The following PCDH9 variants were observed in gnomAD, a reference collection of about 807,000 sequenced individuals.
PCDH9 encodes protocadherin 9.
In PCDH9, 24 loss-of-function variants were observed where a neutral mutation model predicts 70.6. The ratio of observed to expected loss-of-function variants is 0.34; its 90% confidence interval spans 0.25 to 0.48. The LOEUF (loss-of-function observed/expected upper bound fraction) is 0.48. PCDH9 is among the 20% of genes least tolerant of loss of function. The probability of loss-of-function intolerance (pLI) is 0.99; values close to 1 mark genes in which losing one functional copy is unlikely to be tolerated. For missense variants in PCDH9, 1,281 were observed against 1,503.6 expected (o/e 0.85, Z 2.45); for synonymous variants, 562 against 558.5 (o/e 1.01, Z -0.09).
intron 3 of PCDH9, among the ~76,000 whole-genome samples, chr13:66,857,957 C>T (rs989569427): frequency 5.9e-5 from 9 of 152,152 alleles, no homozygotes; most frequent in Non-Finnish European, 1.2e-4. Context: ...AGCTGCTTAT[C>T]TCCTACCTTG....
At chr13:66,943,907 A>C (rs187135342) in intron 2 of PCDH9, among the ~76,000 whole-genome samples, 1 of 152,194 alleles carries the variant, frequency 6.6e-6, no homozygotes, top group Non-Finnish European at 1.5e-5. Flanking sequence ...TGACTTTCTG[A>C]ATCCTTGCCT....
At chr13:66,678,975 T>C (rs2078281318) in intron 3 of PCDH9, among the ~76,000 whole-genome samples, 1 of 151,406 alleles carries the variant, frequency 6.6e-6, no homozygotes, top group Admixed American at 6.6e-5. Context: ...TATATATATA[T>C]GTAAAATAAA....
At chr13:66,322,545 T>C (rs879089187) in intron 4 of PCDH9, among the ~76,000 whole-genome samples, 11 of 152,062 alleles carry the variant, frequency 7.2e-5, no homozygotes, top group Admixed American at 7.2e-4. Flanking sequence ...TCTCAAACCA[T>C]CTGCTTCCTT....
At chr13:67,023,983 A>G (rs1361635684) in intron 2 of PCDH9, among the ~76,000 whole-genome samples, 1 of 152,016 alleles carries the variant, frequency 6.6e-6, no homozygotes, top group African/African-American at 2.4e-5. Flanking sequence ...AGAAAAAAAA[A>G]AGAAACAAGG....
intron 3 of PCDH9, among the ~76,000 whole-genome samples, chr13:66,866,414 A>G (rs541965331): frequency 1.3e-4 from 20 of 151,932 alleles, no homozygotes; most frequent in South Asian, 2.1e-4. Context: ...CCCGGGAGGC[A>G]GAGCTTGCAG....
intron 4 of PCDH9, among the ~76,000 whole-genome samples, chr13:66,547,442 A>T (rs974560126): frequency 6.6e-6 from 1 of 152,200 alleles, no homozygotes; most frequent in East Asian, 1.9e-4. Flanking sequence ...TTGACTTTCT[A>T]GTAACCATTG....
At chr13:66,552,928 C>A (rs1961554279) in intron 4 of PCDH9, among the ~76,000 whole-genome samples, 1 of 152,094 alleles carries the variant, frequency 6.6e-6, no homozygotes, top group Non-Finnish European at 1.5e-5. Flanking sequence ...ACACGTCCTT[C>A]TTCACATGGT....
chr13:67,211,175 A>G (rs1478393153), intron 2 of PCDH9: 1 of 152,008 alleles, frequency 6.6e-6, no homozygotes, highest in Non-Finnish European at 1.5e-5. Context: ...AACCAATAAT[A>G]TTTAATTAAC....
intron 2 of PCDH9, among the ~76,000 whole-genome samples, chr13:67,037,226 T>G (rs1266969230): frequency 6.6e-6 from 1 of 152,178 alleles, no homozygotes; most frequent in African/African-American, 2.4e-5. Flanking sequence ...CCTTTTCAAT[T>G]CTGGGCTAAG....
At chr13:66,888,128 A>T (rs1419505586) in intron 3 of PCDH9, among the ~76,000 whole-genome samples, 1 of 152,152 alleles carries the variant, frequency 6.6e-6, no homozygotes, top group African/African-American at 2.4e-5. Context: ...GTGAAATGGG[A>T]AATTGGCTAA....
At chr13:66,810,451 T>C (rs1462175736) in intron 3 of PCDH9, among the ~76,000 whole-genome samples, 1 of 152,006 alleles carries the variant, frequency 6.6e-6, no homozygotes, top group Non-Finnish European at 1.5e-5. Flanking sequence ...ATTCCCAGTT[T>C]CCTCATCTAT....
chr13:66,820,167 G>T lies in PCDH9; in HGVS notation c.3138+83337C>A, dbSNP rs138105528. Among the ~76,000 whole-genome samples the T allele has an allele frequency of 3.7e-3, 560 of 151,738 alleles. 3 individuals carry two copies. The highest frequency in any genetic ancestry group is 0.013 in the African/African-American group (532 of 41,366). On this transcript the variant is annotated intron_variant, in intron 3 of 4. Transcript: ENST00000377865. ...ATTTTGTAAATATTTAGGTTAAAAT[G>T]CTTATCTGACTTTTCAATGACAAAT...
intron 2 of PCDH9, among the ~76,000 whole-genome samples, chr13:67,054,956 T>C (rs561025029): frequency 2.0e-5 from 3 of 152,328 alleles, no homozygotes; most frequent in Admixed American, 2.0e-4. Context: ...CACAGCTCTA[T>C]TTGCTTAGAA....
chr13:67,108,421 G>A (rs905887822), intron 2 of PCDH9, among the ~76,000 whole-genome samples: 2 of 152,138 alleles, frequency 1.3e-5, no homozygotes, highest in Non-Finnish European at 2.9e-5. Flanking sequence ...TGTAAAATGT[G>A]TTAAATTGTG....
intron 2 of PCDH9, among the ~76,000 whole-genome samples, chr13:67,071,612 G>C (rs1184765879): frequency 6.6e-6 from 1 of 151,816 alleles, no homozygotes; most frequent in Non-Finnish European, 1.5e-5. Context: ...AATGCTTTAG[G>C]CTGGGCAGTG....
intron 2 of PCDH9, among the ~76,000 whole-genome samples, chr13:67,142,543 A>C (rs201529883): frequency 6.6e-6 from 1 of 152,222 alleles, no homozygotes; most frequent in Non-Finnish European, 1.5e-5. Context: ...AGTGTTTGGC[A>C]TGTAGTATGT....
chr13:67,067,813 C>T (rs1272768695), intron 2 of PCDH9, among the ~76,000 whole-genome samples: 3 of 151,634 alleles, frequency 2.0e-5, no homozygotes, highest in Non-Finnish European at 1.5e-5. Context: ...TATACTAAAA[C>T]ATTAAAGATT....
At chr13:66,960,009 T>C (rs1416062678) in intron 2 of PCDH9, among the ~76,000 whole-genome samples, 2 of 152,118 alleles carry the variant, frequency 1.3e-5, no homozygotes, top group East Asian at 3.9e-4. Flanking sequence ...GAATACTTAT[T>C]AGGGAGAAAT....
intron 4 of PCDH9, among the ~76,000 whole-genome samples, chr13:66,436,277 C>A (rs532838847): frequency 6.6e-6 from 1 of 152,210 alleles, no homozygotes; most frequent in East Asian, 1.9e-4. Flanking sequence ...CCCCTTGTTG[C>A]CCCCTTTTGT....
Sources: gnomAD v4.1 joint callset for allele counts (sites outside exome capture counted in the v4.1 genomes callset) on GRCh38, gnomAD v4.1.1 for gene constraint, MANE v1.5 for transcripts, NCBI Gene and HGNC (gene_info 2026-07-23, HGNC 2026-07-21) for gene names.